SIL1: variants seen among roughly 807,000 people sequenced by gnomAD.
SIL1 encodes SIL1 nucleotide exchange factor, also known as nucleotide exchange factor SIL1.
SIL1 carries 40 observed loss-of-function variants against 49.1 expected under a neutral mutation model. The ratio of observed to expected loss-of-function variants is 0.81; its 90% CI spans 0.63 to 1.06. The LOEUF is 1.06. Ranked by LOEUF, SIL1 falls within the 50% of genes least tolerant of loss-of-function variation. SIL1 has a pLI of 0.00. For synonymous variants in SIL1, 253 were observed against 250.8 expected, an observed-to-expected ratio of 1.01 and a Z score of -0.08; for missense variants, 500 against 572.6, an observed-to-expected ratio of 0.87 and a Z score of 1.29.
At chr5:138,983,326 G>A (rs548655121) in intron 7 of SIL1, among the ~76,000 whole-genome samples, 8 of 151,496 alleles carry the variant, frequency 5.3e-5, no homozygotes, top group Non-Finnish European at 5.9e-5. Context: ...GGCTAACATG[G>A]TGAAAGCCTT....
chr5:139,073,543 G>A (rs1769880650), intron 3 of SIL1, among the ~76,000 whole-genome samples: 1 of 152,156 alleles, frequency 6.6e-6, no homozygotes, highest in African/African-American at 2.4e-5. Context: ...TAGTTGAGGA[G>A]GTGGGGTAGA....
At chr5:139,078,377 T>C (rs1190179972) in intron 3 of SIL1, among the ~76,000 whole-genome samples, 1 of 148,318 alleles carries the variant, frequency 6.7e-6, no homozygotes, top group Non-Finnish European at 1.5e-5. Context: ...CAAAGGAATT[T>C]AAAAAAAAAA....
At chr5:139,170,333 G>C (rs1434483680) in intron 1 of SIL1, among the ~76,000 whole-genome samples, 7 of 149,078 alleles carry the variant, frequency 4.7e-5, no homozygotes, top group African/African-American at 1.7e-4. Context: ...CGCCCATCGT[G>C]TGGGACGTGA....
intron 9 of SIL1, among the ~76,000 whole-genome samples, chr5:138,950,052 G>A (rs1766731787): frequency 6.6e-6 from 1 of 152,120 alleles, no homozygotes; most frequent in Non-Finnish European, 1.5e-5. Context: ...CGGCAGCCTC[G>A]GGGCAGCCTT....
At chr5:139,008,485 A>G (rs2150417196) in intron 7 of SIL1, among the ~76,000 whole-genome samples, 1 of 124,974 alleles carries the variant, frequency 8.0e-6, no homozygotes, top group African/African-American at 3.6e-5. Flanking sequence ...GAATTTAGTT[A>G]TTTCTTGCCT....
At chr5:139,021,802 A>G (rs1204628981) in intron 6 of SIL1, 2 of 214,924 alleles carry the variant, frequency 9.3e-6, no homozygotes, top group Admixed American at 1.1e-4. Context: ...AGGGGGGAAT[A>G]ACAATAGTAC....
chr5:139,074,021 A>T (rs1161870116), intron 3 of SIL1, among the ~76,000 whole-genome samples: 4 of 152,234 alleles, frequency 2.6e-5, no homozygotes, highest in Non-Finnish European at 5.9e-5. Flanking sequence ...TATGTTAATT[A>T]GCTAGATTTA....
chr5:139,051,146 C>A, intron 3 of SIL1, 100 bp from the exon 4 acceptor site: 1 of 1,030,998 alleles, frequency 9.7e-7, no homozygotes, highest in Non-Finnish European at 1.5e-6. Flanking sequence ...CATGAAGACA[C>A]GACTCAGCTG....
At chr5:139,138,202 A>G (rs947955378) in intron 1 of SIL1, among the ~76,000 whole-genome samples, 1 of 152,000 alleles carries the variant, frequency 6.6e-6, no homozygotes, top group Non-Finnish European at 1.5e-5. Context: ...CACACACCCA[A>G]CTGTCTGGCA....
intron 7 of SIL1, among the ~76,000 whole-genome samples, chr5:138,998,174 C>T (rs1767911545): frequency 6.6e-6 from 1 of 152,016 alleles, no homozygotes; most frequent in Non-Finnish European, 1.5e-5. Flanking sequence ...GTAATTTTTA[C>T]TTATTTATCT....
At position 139,187,468 on chromosome 5, in the gene SIL1, G is replaced by C. The variant is rs576959389; in HGVS notation, c.-11+10801C>G. Among the ~76,000 whole-genome samples the C allele has an allele frequency of 9.2e-4, 138 of 150,620 alleles. 1 individual carries two copies. The highest frequency in any genetic ancestry group is 3.4e-3 in the Middle Eastern group (1 of 292). On this transcript the variant is annotated intron_variant, in intron 1 of 9. Transcript: ENST00000394817. The stretch of plus-strand genomic sequence containing the variant: ...GGAGGCAGAGGTTGCAATGAGCCGA[G>C]ATTGTGCCACTCCACTCCAGCCTGG...
chr5:139,160,765 G>T (rs1320092557), intron 1 of SIL1, among the ~76,000 whole-genome samples: 1 of 152,068 alleles, frequency 6.6e-6, no homozygotes, highest in Non-Finnish European at 1.5e-5. Flanking sequence ...GGGAGGTGGA[G>T]GTTGCGGTGA....
intron 1 of SIL1, among the ~76,000 whole-genome samples, chr5:139,193,109 A>G (rs2151824366): frequency 6.6e-6 from 1 of 152,268 alleles, no homozygotes; most frequent in South Asian, 2.1e-4. Flanking sequence ...TAAAGAAAGA[A>G]TATCAGATAA....
At chr5:139,003,618 G>A (rs2150413438) in intron 7 of SIL1, among the ~76,000 whole-genome samples, 1 of 152,324 alleles carries the variant, frequency 6.6e-6, no homozygotes. Context: ...AGAAGATGAT[G>A]TCTCCTGTAT....
chr5:139,025,772 T>C (rs886357035), intron 6 of SIL1, among the ~76,000 whole-genome samples: 13 of 152,236 alleles, frequency 8.5e-5, no homozygotes, highest in African/African-American at 3.1e-4. Flanking sequence ...TGGAATGCTC[T>C]AATCTAAGGA....
chr5:139,079,555 T>G (rs748738797), intron 3 of SIL1, among the ~76,000 whole-genome samples: 2 of 152,226 alleles, frequency 1.3e-5, no homozygotes, highest in Non-Finnish European at 2.9e-5. Context: ...CAGAATGTGC[T>G]GCCCTCCCAA....
rs542484175 is a variant in SIL1 at position 139,152,273 on chromosome 5, G to A, written c.-10-24420C>T. 4.6e-5 allele frequency among the ~76,000 whole-genome samples: 7 copies of A among 152,296 alleles called. No individual in the cohort carries two copies. The South Asian group carries it at 8.3e-4, about 18-fold the overall frequency. On this transcript the variant is annotated intron_variant, in intron 1 of 9. Transcript: ENST00000394817. ...TTAATGCAACGTCAAAGTATCCTGG[G>A]GTAAAAGATCAGCAAATTACAAGTA...
chr5:139,186,242 T>C (rs1379377702), intron 1 of SIL1, among the ~76,000 whole-genome samples: 2 of 152,156 alleles, frequency 1.3e-5, no homozygotes, highest in African/African-American at 2.4e-5. Flanking sequence ...GCCCAGACCA[T>C]AGATGTTCTA....
Position 139,026,933 on chromosome 5 carries a change from A to G in SIL1, c.513T>C (p.Phe171=). The G allele has an allele frequency of 6.2e-7, 1 of 1,614,204 alleles. No individual in the cohort carries two copies. Among genetic ancestry groups the G allele is most frequent in the African/African-American group, 1.3e-5 (1 of 75,046 alleles). ...TCTCAATGACAACATTCAGCTCATCAAAGTCTTTCTTCAGTTCCTCAATGG... is the reference window on the plus strand; with the variant it reads ...TCTCAATGACAACATTCAGCTCATCGAAGTCTTTCTTCAGTTCCTCAATGG... ...FRPIEELKKD[F]DELNVVIETD... The change falls in exon 6 of 10, where the codon TTT becomes TTC. Residue 171 remains phenylalanine, a synonymous_variant. Transcript: ENST00000394817.
Sources: gnomAD v4.1 joint callset for allele counts (sites outside exome capture counted in the v4.1 genomes callset) on GRCh38, gnomAD v4.1.1 for gene constraint, MANE v1.5 for transcripts, NCBI Gene and HGNC (gene_info 2026-07-23, HGNC 2026-07-21) for gene names.